Variants in MYO18B observed in about 807,000 individuals in gnomAD.
MYO18B encodes the protein myosin XVIIIB, also known as unconventional myosin-XVIIIb.
MYO18B carries 204 observed loss-of-function variants against 273.0 expected under a neutral mutation model. The ratio of observed to expected loss-of-function variants is 0.75; its 90% CI spans 0.67 to 0.84. The LOEUF is 0.84. Among genes scored for constraint, MYO18B ranks in the 40% least tolerant of loss-of-function variants. MYO18B has a pLI of 0.00. For missense variants in MYO18B, 3,212 were observed against 3,287.6 expected, an observed-to-expected ratio of 0.98 and a Z score of 0.56; for synonymous variants, 1,330 against 1,305.7, an observed-to-expected ratio of 1.02 and a Z score of -0.40.
At chr22:25,781,630 G>A (rs2087161731) in intron 9 of MYO18B, 104 bp from the exon 10 acceptor site, 1 of 357,174 alleles carries the variant, frequency 2.8e-6, no homozygotes, top group Non-Finnish European at 4.6e-6. Flanking sequence ...AAAAAAGAGT[G>A]GATCAGAGTG....
chr22:25,819,742 G>C (rs145969885), intron 12 of MYO18B, among the ~76,000 whole-genome samples: 43 of 152,086 alleles, frequency 2.8e-4, no homozygotes, highest in African/African-American at 1.0e-3. Context: ...ACAAAGATAT[G>C]GCAAAAAAGA....
intron 38 of MYO18B, among the ~76,000 whole-genome samples, chr22:25,954,969 C>G (rs1201831617): frequency 6.6e-6 from 1 of 152,234 alleles, no homozygotes; most frequent in Non-Finnish European, 1.5e-5. Flanking sequence ...CTCGGCCTCC[C>G]AAAGTGCTGG....
At chr22:26,019,385 G>A (rs1935630304) in intron 42 of MYO18B, among the ~76,000 whole-genome samples, 1 of 152,222 alleles carries the variant, frequency 6.6e-6, no homozygotes, top group Admixed American at 6.5e-5. Flanking sequence ...TTCTTTCTGA[G>A]CCTCAGTTCT....
chr22:25,975,660 T>G (rs4820664), intron 39 of MYO18B, among the ~76,000 whole-genome samples: 22,552 of 152,164 alleles, frequency 0.15, 2,160 homozygotes, highest in Admixed American at 0.26. Flanking sequence ...CCAAAACATA[T>G]GCTCTTAACC....
chr22:25,753,142 C>T lies in MYO18B; in HGVS notation c.-109-7842C>T, dbSNP rs534919700. ...CCACGGCACCGCGTCCCATGGACTGCCCAAGCGCTGATCAGTGCGGGAAGC... is the reference window on the plus strand; with the variant it reads ...CCACGGCACCGCGTCCCATGGACTGTCCAAGCGCTGATCAGTGCGGGAAGC... On this transcript the variant is annotated intron_variant, in intron 1 of 43. Coordinates refer to ENST00000335473, the MANE Select transcript of MYO18B (RefSeq NM_032608.7). Among the ~76,000 whole-genome samples, 62 of 152,292 alleles carry T rather than the reference C, an allele frequency of 4.1e-4. 1 individual carries two copies. In the South Asian group the frequency reaches 0.013, roughly 32 times the overall value.
intron 28 of MYO18B, 87 bp from the exon 29 acceptor site, chr22:25,898,220 C>G: frequency 6.8e-7 from 1 of 1,466,504 alleles, no homozygotes; most frequent in African/African-American, 1.4e-5. Context: ...CATTACACAC[C>G]TTGGAAATAG....
intron 22 of MYO18B, among the ~76,000 whole-genome samples, chr22:25,873,400 C>A (rs745911209): frequency 4.7e-4 from 72 of 152,216 alleles, no homozygotes; most frequent in Admixed American, 1.0e-3. Context: ...TCCCTTCCCC[C>A]ACTGTCTCTG....
chr22:25,769,569 C>T, intron 4 of MYO18B, 141 bp downstream of exon 4: 1 of 752,840 alleles, frequency 1.3e-6, no homozygotes, highest in Non-Finnish European at 2.1e-6. Flanking sequence ...GCTGGAACTG[C>T]AAGGCACCCA....
rs540694359 is a variant in MYO18B, at chr22:25,806,513, A to C, written c.2521+8416A>C. Among the ~76,000 whole-genome samples, 5 of 152,188 alleles carry C rather than the reference A, an allele frequency of 3.3e-5. No homozygotes were observed. The East Asian group carries it at 9.6e-4, about 29-fold the overall frequency. ...CTGTCTCTCTGGCTTGCCATCACTG[A>C]TGGGTTCCTGGGGAAGGCAGCGGGA... On this transcript the variant is annotated intron_variant, in intron 12 of 43. Coordinates refer to ENST00000335473, the MANE Select transcript of MYO18B (RefSeq NM_032608.7).
intron 21 of MYO18B, among the ~76,000 whole-genome samples, chr22:25,860,811 G>A (rs1415651761): frequency 1.3e-5 from 2 of 151,966 alleles, no homozygotes; most frequent in Admixed American, 6.6e-5. Flanking sequence ...TGTATTCTGT[G>A]GTTGTTGAGT....
intron 25 of MYO18B, among the ~76,000 whole-genome samples, chr22:25,881,125 C>T (rs767204866): frequency 1.2e-4 from 19 of 152,192 alleles, no homozygotes; most frequent in Non-Finnish European, 1.9e-4. Flanking sequence ...CCAAGTTGAG[C>T]CTGAGATGGC....
the MYO18B span, among the ~76,000 whole-genome samples, chr22:26,053,601 T>A: frequency 6.6e-6 from 1 of 152,218 alleles, no homozygotes; most frequent in Non-Finnish European, 1.5e-5. Flanking sequence ...AAATTCATAG[T>A]TGCCTAAAAA....
At chr22:25,922,422 G>A (rs2092361294) in intron 34 of MYO18B, among the ~76,000 whole-genome samples, 1 of 152,146 alleles carries the variant, frequency 6.6e-6, no homozygotes, top group African/African-American at 2.4e-5. Context: ...TGCAAGCCTT[G>A]CGGAGAGATG....
intron 42 of MYO18B, chr22:26,006,300 G>A (rs1157859680): frequency 6.4e-6 from 1 of 156,606 alleles, no homozygotes; most frequent in Non-Finnish European, 1.4e-5. Context: ...GTCAGAGCTG[G>A]ATTCCAATTC....
At position 26,003,227 on chromosome 22, in the gene MYO18B, C is replaced by T. The variant is rs766723003; in HGVS notation, c.6288-38C>T. 29 of 1,583,026 alleles carry T rather than the reference C, an allele frequency of 1.8e-5. No individual in the cohort carries two copies. In the East Asian group the frequency reaches 6.2e-4, roughly 34 times the overall value. On this transcript the variant is annotated intron_variant, in intron 40 of 43. Transcript: ENST00000335473. The stretch of plus-strand genomic sequence containing the variant: ...AACCATGCTTCCAAGCCCCTGGCAG[C>T]ACGAGGATAACACACTCTTTCTTGT...
In MYO18B at chr22:26,026,443, A is replaced by G. The variant is rs1296209082; in HGVS notation, c.6471-2A>G. On this transcript the variant is annotated splice_acceptor_variant, in intron 42 of 43. Transcript: ENST00000335473. LOFTEE classifies it high-confidence loss of function. ...CAGACTGCATTTTTCTTCTTGGCAC[A>G]GGATAAACGAAGAGGCTGGGGACAC... 2 of 1,597,002 alleles carry G rather than the reference A, an allele frequency of 1.3e-6. 1 individual carries two copies. The highest frequency in any genetic ancestry group is 3.4e-4 in the Middle Eastern group (2 of 5,962).
chr22:25,857,138 A>G (rs1387027805), intron 21 of MYO18B, among the ~76,000 whole-genome samples: 1 of 152,144 alleles, frequency 6.6e-6, no homozygotes, highest in East Asian at 1.9e-4. Flanking sequence ...AACCTACACC[A>G]AAGCCTACAT....
intron 21 of MYO18B, among the ~76,000 whole-genome samples, chr22:25,866,784 C>CAAAAAA (rs56260207): frequency 3.7e-4 from 15 of 40,192 alleles, no homozygotes; most frequent in Non-Finnish European, 5.7e-4. Context: ...GACTCCGTCT[C>CAAAAAA]AAAAAAAAAA....
Position 25,847,655 on chromosome 22 carries a change from A to G in MYO18B, c.3775+3A>G. 6.4e-7 allele frequency: 1 copy of G among 1,552,070 alleles called. No individual in the cohort carries two copies. The highest frequency in any genetic ancestry group is 8.7e-7 in the Non-Finnish European group (1 of 1,147,702). On this transcript the variant is annotated splice_donor_region_variant and intron_variant, in intron 20 of 43. Transcript: ENST00000335473. ...GGCTCTGCGTCTGCATAGGACAGGT[A>G]AGAGACAGCTAGGACACAGCACCTT...
Sources: gnomAD v4.1 joint callset for allele counts (sites outside exome capture counted in the v4.1 genomes callset) on GRCh38, gnomAD v4.1.1 for gene constraint, MANE v1.5 for transcripts, NCBI Gene and HGNC (gene_info 2026-07-23, HGNC 2026-07-21) for gene names.